BUB1B: variants seen among roughly 807,000 people sequenced by gnomAD.
BUB1B encodes mitotic checkpoint serine/threonine-protein kinase BUB1 beta.
A neutral mutation model predicts 137.7 loss-of-function variants in BUB1B; 86 were observed. That is an observed-to-expected ratio of 0.62 (90% CI 0.52 to 0.75). The LOEUF (loss-of-function observed/expected upper bound fraction) is 0.75. Among genes scored for constraint, BUB1B ranks in the 30% least tolerant of loss-of-function variants. BUB1B has a pLI of 0.00. For missense variants in BUB1B, 1,130 were observed against 1,236.9 expected, an observed-to-expected ratio of 0.91 and a Z score of 1.30; for synonymous variants, 420 against 417.9, an observed-to-expected ratio of 1.00 and a Z score of -0.06.
chr15:40,182,908 C>T (rs923357756), intron 5 of BUB1B, among the ~76,000 whole-genome samples: 1 of 152,172 alleles, frequency 6.6e-6, no homozygotes, highest in Non-Finnish European at 1.5e-5. Flanking sequence ...TTTGACCCCT[C>T]TCCACAGTCT....
chr15:40,196,901 GTTTC>G, intron 9 of BUB1B, 127 bp downstream of exon 9: 1 of 841,966 alleles, frequency 1.2e-6, no homozygotes, highest in South Asian at 1.7e-5. Flanking sequence ...TGGTAGTACT[GTTTC>G]TTTCTGTGTA....
chr15:40,161,613 A>G (rs1222518445), intron 1 of BUB1B, among the ~76,000 whole-genome samples: 2 of 152,250 alleles, frequency 1.3e-5, no homozygotes, highest in African/African-American at 4.8e-5. Context: ...ATGCTGCCTT[A>G]CGTGGTTCTG....
At chr15:40,193,710 A>G (rs2037464712) in intron 8 of BUB1B, among the ~76,000 whole-genome samples, 1 of 151,976 alleles carries the variant, frequency 6.6e-6, no homozygotes, top group Admixed American at 6.6e-5. Context: ...GTTCGCCAAC[A>G]TGGCAAAACC....
intron 8 of BUB1B, among the ~76,000 whole-genome samples, 193 bp downstream of exon 8, chr15:40,185,835 T>C (rs1262156889): frequency 6.6e-6 from 1 of 152,128 alleles, no homozygotes; most frequent in Non-Finnish European, 1.5e-5. Context: ...AAGACCAGCC[T>C]GGGCAGCCTA....
intron 8 of BUB1B, among the ~76,000 whole-genome samples, chr15:40,196,288 T>G (rs775330767): frequency 1.4e-4 from 21 of 152,320 alleles, no homozygotes; most frequent in Non-Finnish European, 2.2e-4. Flanking sequence ...AAAGATCAGT[T>G]GACTGTGAGT....
chr15:40,220,770 C>G lies in BUB1B; in HGVS notation c.*11C>G. The G allele has an allele frequency of 6.2e-7, 1 of 1,612,474 alleles. No homozygotes were observed. The highest frequency in any genetic ancestry group is 1.1e-5 in the South Asian group (1 of 91,026). ...TTGCTCTTTCAGTGAGCTAGGCAAT[C>G]AAGTCTCACAGATTGCTGCCTCAGA... On this transcript the variant is annotated 3_prime_UTR_variant, in exon 23 of 23. Transcript: ENST00000287598.
chr15:40,161,321 G>T, intron 1 of BUB1B, 66 bp downstream of exon 1: 6 of 1,556,738 alleles, frequency 3.9e-6, no homozygotes, highest in Non-Finnish European at 5.2e-6. Context: ...GTAATAGAAG[G>T]CTCCGCTCGG....
intron 15 of BUB1B, 50 bp from the exon 16 acceptor site, chr15:40,208,587 G>T (rs559870917): frequency 6.6e-7 from 1 of 1,509,130 alleles, no homozygotes; most frequent in African/African-American, 1.4e-5. Context: ...TTATAACAAA[G>T]TTGATATATA....
intron 5 of BUB1B, among the ~76,000 whole-genome samples, chr15:40,177,320 G>A (rs1260102532): frequency 4.6e-5 from 7 of 152,082 alleles, no homozygotes; most frequent in African/African-American, 9.7e-5. Flanking sequence ...TTGTTACAGA[G>A]ATTTTCATCT....
intron 10 of BUB1B, chr15:40,199,987 G>A (rs1566824694): frequency 2.7e-5 from 16 of 585,016 alleles, no homozygotes; most frequent in South Asian, 2.0e-4. Flanking sequence ...TCTGGCTTAA[G>A]CTTTTTATTC....
intron 4 of BUB1B, among the ~76,000 whole-genome samples, chr15:40,176,033 C>T (rs2037219605): frequency 6.6e-6 from 1 of 152,144 alleles, no homozygotes; most frequent in Non-Finnish European, 1.5e-5. Context: ...ACTGCAGCCT[C>T]AAACTCTTGG....
chr15:40,214,336 T>C (rs2037748963), intron 20 of BUB1B, among the ~76,000 whole-genome samples: 1 of 152,210 alleles, frequency 6.6e-6, no homozygotes, highest in African/African-American at 2.4e-5. Flanking sequence ...TGAGAAAATA[T>C]AGATCACGTT....
At chr15:40,164,970 A>C in intron 1 of BUB1B, 83 bp from the exon 2 acceptor site, 1 of 1,556,474 alleles carries the variant, frequency 6.4e-7, no homozygotes, top group Non-Finnish European at 8.8e-7. Flanking sequence ...ATGAATAATC[A>C]CCTTTCGGAA....
chr15:40,211,737 T>C (rs1374622081), intron 18 of BUB1B, among the ~76,000 whole-genome samples: 3 of 152,194 alleles, frequency 2.0e-5, no homozygotes, highest in African/African-American at 7.2e-5. Context: ...AATAAACTTC[T>C]GGACTTCGAG....
chr15:40,206,558 T>G, intron 15 of BUB1B, 100 bp downstream of exon 15: 1 of 1,451,148 alleles, frequency 6.9e-7, no homozygotes. Flanking sequence ...TCTTACTAAC[T>G]GCCAGGTACT....
chr15:40,208,048 A>G lies in BUB1B; in HGVS notation c.2010-589A>G, dbSNP rs186066122. On this transcript the variant is annotated intron_variant, in intron 15 of 22. Transcript: ENST00000287598. ...GGTGGGAGGATCACTTGAGCCCAGG[A>G]AATCAAGGCTGCAGTGAGCCATGAT... Among the ~76,000 whole-genome samples the G allele has an allele frequency of 5.5e-3, 827 of 151,342 alleles. 5 individuals carry two copies. The highest frequency in any genetic ancestry group is 8.8e-3 in the Non-Finnish European group (593 of 67,764).
rs769699093 is a variant in BUB1B at position 40,208,618 on chromosome 15, T to A, written c.2010-19T>A. ...ATATATTATTCCTATAAGAATTAAC[T>A]TATTTTTGATTCTTTTAGCCCAATT... On this transcript the variant is annotated intron_variant, in intron 15 of 22. Transcript: ENST00000287598. The A allele has an allele frequency of 3.1e-6, 5 of 1,599,502 alleles. No homozygotes were observed. The South Asian group carries it at 4.4e-5, about 14-fold the overall frequency.
chr15:40,172,712 G>A (rs2037178270), intron 4 of BUB1B, among the ~76,000 whole-genome samples: 1 of 152,164 alleles, frequency 6.6e-6, no homozygotes. Flanking sequence ...AGGGTCAACT[G>A]TAGTTACAAG....
intron 3 of BUB1B, 75 bp from the exon 4 acceptor site, chr15:40,170,462 A>T (rs998811837): frequency 6.5e-7 from 1 of 1,543,560 alleles, no homozygotes; most frequent in African/African-American, 1.4e-5. Flanking sequence ...GCTAAAATCC[A>T]GAATGGGTCT....
Sources: gnomAD v4.1 joint callset for allele counts (sites outside exome capture counted in the v4.1 genomes callset) on GRCh38, gnomAD v4.1.1 for gene constraint, MANE v1.5 for transcripts, NCBI Gene and HGNC (gene_info 2026-07-23, HGNC 2026-07-21) for gene names.